DLGAP2: variants seen among roughly 807,000 people sequenced by gnomAD.
The protein encoded by DLGAP2 is disks large-associated protein 2.
Under a neutral mutation model 100.3 loss-of-function variants are expected in DLGAP2, and 26 were observed. That is an observed-to-expected ratio of 0.26 (90% CI 0.19 to 0.36). The LOEUF (loss-of-function observed/expected upper bound fraction) is 0.36, where lower values mean the gene tolerates loss of function less well. Ranked by LOEUF, DLGAP2 falls within the 10% of genes least tolerant of loss-of-function variation. The pLI, the probability that DLGAP2 is intolerant of heterozygous loss-of-function variation, is 1.00. For missense variants in DLGAP2, 1,858 were observed against 1,453.2 expected, an observed-to-expected ratio of 1.28 and a Z score of -4.53; for synonymous variants, 886 against 630.1, an observed-to-expected ratio of 1.41 and a Z score of -6.08.
At chr8:953,565 T>A (rs1162309973) in intron 2 of DLGAP2, among the ~76,000 whole-genome samples, 1 of 152,246 alleles carries the variant, frequency 6.6e-6, no homozygotes, top group Non-Finnish European at 1.5e-5. Flanking sequence ...TCAGTTGTTT[T>A]TCTGAAAGTT....
intron 1 of DLGAP2, among the ~76,000 whole-genome samples, chr8:836,127 T>G (rs901773763): frequency 6.6e-6 from 1 of 152,200 alleles, no homozygotes; most frequent in African/African-American, 2.4e-5. Context: ...GAACGCTTTT[T>G]CTCTGGTCTT....
chr8:1,690,312 C>T (rs533817119), intron 12 of DLGAP2, among the ~76,000 whole-genome samples: 5 of 151,368 alleles, frequency 3.3e-5, no homozygotes, highest in East Asian at 1.9e-4. Flanking sequence ...GCCAAGATGA[C>T]GCCACTGCAG....
chr8:1,036,158 T>A (rs546113986), intron 2 of DLGAP2, among the ~76,000 whole-genome samples: 120 of 130,394 alleles, frequency 9.2e-4, no homozygotes, highest in African/African-American at 3.6e-3. Context: ...CGCGAGTGGA[T>A]TCACACGCTC....
chr8:1,666,604 C>G (rs1308816338), intron 8 of DLGAP2, among the ~76,000 whole-genome samples: 2 of 151,648 alleles, frequency 1.3e-5, no homozygotes, highest in Non-Finnish European at 1.5e-5. Context: ...CGCTTGAACA[C>G]AGGAGGCAGA....
At chr8:1,423,716 A>T (rs1392436708) in intron 3 of DLGAP2, among the ~76,000 whole-genome samples, 1 of 152,314 alleles carries the variant, frequency 6.6e-6, no homozygotes, top group East Asian at 1.9e-4. Flanking sequence ...CAGAGTGTGC[A>T]AGAGCACTCC....
chr8:1,410,429 T>C (rs902964866), intron 3 of DLGAP2, among the ~76,000 whole-genome samples: 8 of 152,134 alleles, frequency 5.3e-5, no homozygotes, highest in Admixed American at 5.2e-4. Flanking sequence ...TTTTATTCTC[T>C]CCCCTCAGTT....
chr8:1,546,357 C>A (rs1290089563), intron 4 of DLGAP2, among the ~76,000 whole-genome samples: 1 of 152,176 alleles, frequency 6.6e-6, no homozygotes, highest in Non-Finnish European at 1.5e-5. Flanking sequence ...GTCAGTCTCT[C>A]GGGATCCCTC....
At chr8:998,025 A>G (rs554021682) in intron 2 of DLGAP2, among the ~76,000 whole-genome samples, 1 of 151,860 alleles carries the variant, frequency 6.6e-6, no homozygotes. Flanking sequence ...GCACACAAAC[A>G]TGCATAAACA....
intron 1 of DLGAP2, chr8:883,480 G>A (rs1026690161): frequency 3.3e-5 from 5 of 152,086 alleles, no homozygotes; most frequent in African/African-American, 1.2e-4. Flanking sequence ...TACTTGATAT[G>A]CAAATGCATA....
chr8:1,421,196 G>A (rs1038181557), intron 3 of DLGAP2, among the ~76,000 whole-genome samples: 1 of 152,206 alleles, frequency 6.6e-6, no homozygotes, highest in African/African-American at 2.4e-5. Context: ...CTGGAACATA[G>A]CTCTAACATC....
At chr8:1,500,262 C>G (rs1392378599) in intron 3 of DLGAP2, among the ~76,000 whole-genome samples, 1 of 152,274 alleles carries the variant, frequency 6.6e-6, no homozygotes, top group East Asian at 1.9e-4. Flanking sequence ...CCACACCACT[C>G]ACTGTGGCTG....
chr8:1,050,842 C>G (rs1198886381), intron 2 of DLGAP2, among the ~76,000 whole-genome samples: 3 of 152,072 alleles, frequency 2.0e-5, no homozygotes, highest in Admixed American at 6.6e-5. Flanking sequence ...TTTTTACGTG[C>G]TTCCCCATAG....
chr8:906,775 A>C (rs773511840), intron 1 of DLGAP2, among the ~76,000 whole-genome samples: 12 of 152,172 alleles, frequency 7.9e-5, no homozygotes, highest in Non-Finnish European at 1.8e-4. Flanking sequence ...GCACATGAGA[A>C]GCATGTGATT....
At chr8:1,600,571 C>G (rs1366802288) in intron 6 of DLGAP2, among the ~76,000 whole-genome samples, 2 of 152,058 alleles carry the variant, frequency 1.3e-5, no homozygotes, top group East Asian at 1.9e-4. Context: ...TTGTTTGTTC[C>G]TTTTTGTTCT....
At chr8:985,882 C>G (rs1800472137) in intron 2 of DLGAP2, among the ~76,000 whole-genome samples, 1 of 152,002 alleles carries the variant, frequency 6.6e-6, no homozygotes, top group African/African-American at 2.4e-5. Flanking sequence ...GACAAACCCC[C>G]TGTTTCAGCT....
intron 3 of DLGAP2, among the ~76,000 whole-genome samples, chr8:1,307,508 T>A (rs1468849414): frequency 6.6e-6 from 1 of 152,170 alleles, no homozygotes; most frequent in Non-Finnish European, 1.5e-5. Flanking sequence ...CCCAGAAATT[T>A]CACTTCTGGC....
intron 2 of DLGAP2, among the ~76,000 whole-genome samples, chr8:1,193,846 C>G (rs1475617887): frequency 6.6e-6 from 1 of 152,114 alleles, no homozygotes; most frequent in Non-Finnish European, 1.5e-5. Flanking sequence ...TGGGGCAGAT[C>G]CCAGCGTCGG....
At chr8:1,043,991 C>T (rs918077940) in intron 2 of DLGAP2, among the ~76,000 whole-genome samples, 3 of 152,038 alleles carry the variant, frequency 2.0e-5, no homozygotes, top group Non-Finnish European at 2.9e-5. Flanking sequence ...TCTGAAGCCC[C>T]CAGGACTTCC....
rs566925032 is a variant in DLGAP2, at chr8:1,012,327, C to T, written c.73+104361C>T. On this transcript the variant is annotated intron_variant, in intron 2 of 14. Transcript: ENST00000637795. ...GTTAAAATAGAAGACGAAGAACGCA[C>T]TCTCGGAAGCCCGTCTGCCACACAG... Among the ~76,000 whole-genome samples the T allele has an allele frequency of 2.0e-4, 31 of 152,356 alleles. No individual in the cohort carries two copies. In the South Asian group the frequency reaches 3.5e-3, roughly 17 times the overall value.
Sources: gnomAD v4.1 joint callset for allele counts (sites outside exome capture counted in the v4.1 genomes callset) on GRCh38, gnomAD v4.1.1 for gene constraint, MANE v1.5 for transcripts, NCBI Gene and HGNC (gene_info 2026-07-23, HGNC 2026-07-21) for gene names.